The following KCNQ2 variants were observed in gnomAD, a reference collection of about 807,000 sequenced individuals.
KCNQ2 encodes the protein potassium voltage-gated channel subfamily KQT member 2.
Under a neutral mutation model 84.8 loss-of-function variants are expected in KCNQ2, and 14 were observed. That is an observed-to-expected ratio of 0.17 (90% CI 0.11 to 0.26). KCNQ2 has a LOEUF of 0.26. Ranked by LOEUF, KCNQ2 falls within the 10% of genes least tolerant of loss-of-function variation. KCNQ2 has a pLI of 1.00. For synonymous variants in KCNQ2, 599 were observed against 554.1 expected, an observed-to-expected ratio of 1.08 and a Z score of -1.14; for missense variants, 788 against 1,254.0, an observed-to-expected ratio of 0.63 and a Z score of 5.61.
chr20:63,446,109 G>C lies in KCNQ2; in HGVS notation c.387+638C>G. 2 of 298,886 alleles carry C rather than the reference G, an allele frequency of 6.7e-6. No homozygotes were observed. The highest frequency in any genetic ancestry group is 1.3e-5 in the Non-Finnish European group (2 of 155,832). The allele number at this position is 298,886 out of a possible 1,614,324, so 18.5% of individuals were successfully genotyped here. On this transcript the variant is annotated intron_variant, in intron 2 of 16. Transcript: ENST00000359125. The surrounding 1 kb of genome is among the most constrained non-coding windows in gnomAD (Gnocchi z 5.5). ...GAGCTGGGGGACCCTGTCTGAGCCA[G>C]TGGGGGACCTGCCTTGAGTTGGGGG...
At chr20:63,450,481 C>T (rs1444880153) in intron 1 of KCNQ2, among the ~76,000 whole-genome samples, 1 of 16,642 alleles carries the variant, frequency 6.0e-5, no homozygotes, top group South Asian at 2.4e-3. Flanking sequence ...CTCCCTGAGG[C>T]AGCACTGGGC....
rs545115390 is a variant in KCNQ2 at position 63,461,593 on chromosome 20, C to G, written c.296+10575G>C. 7.9e-5 allele frequency among the ~76,000 whole-genome samples: 12 copies of G among 152,318 alleles called. No homozygotes were observed. The South Asian group carries it at 8.3e-4, about 11-fold the overall frequency. On this transcript the variant is annotated intron_variant, in intron 1 of 16. Transcript: ENST00000359125. ...ACCCCGGGGGCCGGCCCTCCTCCCC[C>G]ATCCCCAAGAGTGGCCCCAGAGCCT...
intron 9 of KCNQ2, among the ~76,000 whole-genome samples, chr20:63,428,902 A>C (rs1261225435): frequency 6.6e-6 from 1 of 152,110 alleles, no homozygotes; most frequent in Non-Finnish European, 1.5e-5. Context: ...GGATACAGAA[A>C]AGGATTCTGC....
At chr20:63,409,213 G>A (rs555534118) in intron 15 of KCNQ2, among the ~76,000 whole-genome samples, 8 of 152,384 alleles carry the variant, frequency 5.2e-5, no homozygotes, top group Admixed American at 3.3e-4. Flanking sequence ...GCACGTGTGT[G>A]TGCACTCGAT....
chr20:63,415,242 A>T, intron 12 of KCNQ2, 116 bp from the exon 13 acceptor site: 1 of 920,970 alleles, frequency 1.1e-6, no homozygotes, highest in Non-Finnish European at 1.7e-6. Context: ...AGGGAGACAC[A>T]GGTCTGAAGA....
At chr20:63,454,321 GCTCCGA>G (rs1163242231) in intron 1 of KCNQ2, among the ~76,000 whole-genome samples, 2 of 152,232 alleles carry the variant, frequency 1.3e-5, no homozygotes, top group Non-Finnish European at 2.9e-5. Flanking sequence ...GCAGGCAACA[GCTCCGA>G]CTTTTGTTTT....
At chr20:63,454,498 C>T (rs530305261) in intron 1 of KCNQ2, among the ~76,000 whole-genome samples, 2 of 152,318 alleles carry the variant, frequency 1.3e-5, no homozygotes, top group Admixed American at 6.5e-5. Flanking sequence ...GTGCCTCGGC[C>T]GTGGCTCCAG....
rs561771293 is a variant in KCNQ2 at position 63,446,372 on chromosome 20, G to A, written c.387+375C>T. On this transcript the variant is annotated intron_variant, in intron 2 of 16. Coordinates refer to ENST00000359125, the MANE Select transcript of KCNQ2 (RefSeq NM_172107.4). This position sits in a 1 kb window ranked among gnomAD's most constrained non-coding sequence, Gnocchi z 5.5. ...GCCCTGGCACAGGGTTGCTGCAAGC[G>A]TCACAGCCCCCACCCCGACGCCCAC... 21 of 324,898 alleles carry A rather than the reference G, an allele frequency of 6.5e-5. No individual in the cohort carries two copies. Among genetic ancestry groups the A allele is most frequent in the Admixed American group, 8.7e-5 (2 of 22,984 alleles). 20.1% of individuals were successfully genotyped at this position (324,898 alleles called of 1,614,324 possible).
At chr20:63,444,024 G>A (rs761838788) in intron 4 of KCNQ2, among the ~76,000 whole-genome samples, 1 of 152,266 alleles carries the variant, frequency 6.6e-6, no homozygotes, top group Non-Finnish European at 1.5e-5. Context: ...CAGGGAGGGA[G>A]AGGGGCCACC....
intron 9 of KCNQ2, 54 bp downstream of exon 9, chr20:63,431,286 A>C (rs1353815613): frequency 6.2e-6 from 10 of 1,600,170 alleles, no homozygotes; most frequent in Non-Finnish European, 8.6e-6. Flanking sequence ...ACAGTTCCAG[A>C]CACAGAACTA....
chr20:63,408,152 C>CA lies in KCNQ2; in HGVS notation c.1887+260dup, dbSNP rs1275425629. The CA allele has an allele frequency of 2.5e-5, 13 of 511,054 alleles. No homozygotes were observed. Among genetic ancestry groups the CA allele is most frequent in the African/African-American group, 2.5e-4 (13 of 51,888 alleles). The allele number at this position is 511,054 out of a possible 1,614,324, so 31.7% of individuals were successfully genotyped here. ...AGGAACCCCTGAGGGATCCACCTCT[C>CA]AGCAGCCCCCACCCAGGACTCCTGG... On this transcript the variant is annotated intron_variant, in intron 16 of 16. Coordinates refer to ENST00000359125, the MANE Select transcript of KCNQ2 (RefSeq NM_172107.4). This position sits in a 1 kb window ranked among gnomAD's most constrained non-coding sequence, Gnocchi z 5.0.
chr20:63,433,405 A>C, intron 8 of KCNQ2: 1 of 351,018 alleles, frequency 2.8e-6, no homozygotes, highest in South Asian at 3.8e-5. Flanking sequence ...TTGATGGGGG[A>C]CGGGGTCATG....
chr20:63,441,833 T>C (rs986809002), intron 5 of KCNQ2, among the ~76,000 whole-genome samples: 1 of 152,154 alleles, frequency 6.6e-6, no homozygotes, highest in Non-Finnish European at 1.5e-5. Flanking sequence ...GCCCATGCCT[T>C]CCCCGCAGGG....
intron 10 of KCNQ2, among the ~76,000 whole-genome samples, chr20:63,424,812 G>A (rs1004376647): frequency 1.3e-5 from 2 of 152,236 alleles, no homozygotes; most frequent in African/African-American, 4.8e-5. Context: ...AAGGCGTTAT[G>A]GATTGAGTGA....
chr20:63,434,825 C>A (rs2080943891), intron 7 of KCNQ2: 2 of 152,272 alleles, frequency 1.3e-5, no homozygotes. Context: ...ACATTCCGTT[C>A]ATCCATTAAT....
At chr20:63,442,188 G>A (rs938870981) in intron 5 of KCNQ2, among the ~76,000 whole-genome samples, 2 of 151,944 alleles carry the variant, frequency 1.3e-5, no homozygotes, top group African/African-American at 2.4e-5. Context: ...CACCACGGCT[G>A]AGCTCAGGCT....
intron 1 of KCNQ2, among the ~76,000 whole-genome samples, chr20:63,453,951 G>A (rs945416421): frequency 1.4e-4 from 21 of 152,090 alleles, no homozygotes; most frequent in African/African-American, 4.6e-4. Context: ...AGCTCCTCGG[G>A]CTGCAGGGAA....
At chr20:63,421,888 A>G (rs988705981) in intron 11 of KCNQ2, among the ~76,000 whole-genome samples, 2 of 151,952 alleles carry the variant, frequency 1.3e-5, no homozygotes, top group Admixed American at 6.6e-5. Flanking sequence ...CCCGACCCCA[A>G]CGTAGACGCT....
At chr20:63,419,275 G>A (rs1480523360) in intron 12 of KCNQ2, among the ~76,000 whole-genome samples, 2 of 152,220 alleles carry the variant, frequency 1.3e-5, no homozygotes, top group Admixed American at 1.3e-4. Flanking sequence ...ACGCAGCAGA[G>A]GTGCTAGAGT....
Sources: gnomAD v4.1 joint callset for allele counts (sites outside exome capture counted in the v4.1 genomes callset) on GRCh38, gnomAD v4.1.1 for gene constraint, Gnocchi (gnomAD v3.1) non-coding constraint, MANE v1.5 for transcripts, NCBI Gene and HGNC (gene_info 2026-07-23, HGNC 2026-07-21) for gene names.